CAMTA1: variants seen among roughly 807,000 people sequenced by gnomAD.
CAMTA1 encodes the protein calmodulin binding transcription activator 1.
In CAMTA1, 27 loss-of-function variants were observed where a neutral mutation model predicts 170.9. That is an observed-to-expected ratio of 0.16 (90% CI 0.12 to 0.22). CAMTA1 has a LOEUF of 0.22. Ranked by LOEUF, CAMTA1 falls within the 10% of genes least tolerant of loss-of-function variation. The pLI, the probability that CAMTA1 is intolerant of heterozygous loss-of-function variation, is 1.00. For synonymous variants in CAMTA1, 833 were observed against 891.5 expected, an observed-to-expected ratio of 0.93 and a Z score of 1.17; for missense variants, 1,619 against 2,217.2, an observed-to-expected ratio of 0.73 and a Z score of 5.42.
Position 7,732,417 on chromosome 1 carries a change from C to A in CAMTA1, c.2915-31C>A. The A allele has an allele frequency of 6.2e-7, 1 of 1,600,606 alleles. No individual in the cohort carries two copies. The highest frequency in any genetic ancestry group is 8.6e-7 in the Non-Finnish European group (1 of 1,168,202). On this transcript the variant is annotated intron_variant, in intron 11 of 22. Coordinates refer to ENST00000303635, the MANE Select transcript of CAMTA1 (RefSeq NM_015215.4). The surrounding 1 kb of genome is among the most constrained non-coding windows in gnomAD (Gnocchi z 4.1). ...TGTTGACTGCTTTTCTTCCAGAACA[C>A]AACCTCACTCTTCCTCCTGCTCTGC...
chr1:7,157,139 C>T (rs894661167), intron 4 of CAMTA1, among the ~76,000 whole-genome samples: 9 of 151,886 alleles, frequency 5.9e-5, no homozygotes, highest in African/African-American at 2.2e-4. Flanking sequence ...GTCAGGAGAT[C>T]GAGACCATCC....
At chr1:6,946,751 C>T (rs1279679135) in intron 3 of CAMTA1, among the ~76,000 whole-genome samples, 1 of 152,002 alleles carries the variant, frequency 6.6e-6, no homozygotes, top group Non-Finnish European at 1.5e-5. Flanking sequence ...ATATTTTGTC[C>T]TGTTCTATGG....
chr1:7,208,441 G>A (rs1658157286), intron 4 of CAMTA1, among the ~76,000 whole-genome samples: 1 of 152,192 alleles, frequency 6.6e-6, no homozygotes, highest in Non-Finnish European at 1.5e-5. Context: ...AGATGCTGTG[G>A]AATTTTTGCC....
intron 6 of CAMTA1, among the ~76,000 whole-genome samples, chr1:7,598,745 A>T (rs551285186): frequency 3.9e-5 from 6 of 152,116 alleles, no homozygotes; most frequent in African/African-American, 1.4e-4. Context: ...TTCTTTTGAG[A>T]AGTGTCTGTT....
At chr1:7,712,825 C>T (rs527755385) in intron 11 of CAMTA1, among the ~76,000 whole-genome samples, 2 of 112,028 alleles carry the variant, frequency 1.8e-5, no homozygotes, top group East Asian at 5.4e-4. Flanking sequence ...TGGCAGAAAG[C>T]GAAGGAGGAG....
At chr1:6,840,741 A>G (rs1284822498) in intron 3 of CAMTA1, among the ~76,000 whole-genome samples, 1 of 152,140 alleles carries the variant, frequency 6.6e-6, no homozygotes, top group Non-Finnish European at 1.5e-5. Flanking sequence ...ATAGATGGAG[A>G]AAGGGAGACT....
At chr1:7,269,728 A>G (rs935874732) in intron 5 of CAMTA1, among the ~76,000 whole-genome samples, 3 of 152,216 alleles carry the variant, frequency 2.0e-5, no homozygotes, top group Non-Finnish European at 4.4e-5. Flanking sequence ...TCAGAGAACT[A>G]GAGAGCAACA....
intron 3 of CAMTA1, among the ~76,000 whole-genome samples, chr1:6,948,489 C>T (rs1687924332): frequency 6.6e-6 from 1 of 152,138 alleles, no homozygotes; most frequent in Admixed American, 6.5e-5. Context: ...TCTTAGCAAC[C>T]CTGTCAGATA....
At chr1:6,900,457 C>T (rs553980557) in intron 3 of CAMTA1, among the ~76,000 whole-genome samples, 2 of 151,708 alleles carry the variant, frequency 1.3e-5, no homozygotes, top group South Asian at 4.2e-4. Context: ...TTGAAAAGCA[C>T]CTGTCTTTTG....
At chr1:7,122,042 A>G (rs1181986029) in intron 4 of CAMTA1, among the ~76,000 whole-genome samples, 1 of 151,920 alleles carries the variant, frequency 6.6e-6, no homozygotes, top group East Asian at 1.9e-4. Flanking sequence ...CGGCCTGCAG[A>G]GCAGGGATGG....
At chr1:7,431,084 CAT>C (rs1475862530) in intron 5 of CAMTA1, among the ~76,000 whole-genome samples, 1 of 152,200 alleles carries the variant, frequency 6.6e-6, no homozygotes, top group Admixed American at 6.5e-5. Context: ...CTGGGGAAAA[CAT>C]GTGGATCAAT....
intron 1 of CAMTA1, among the ~76,000 whole-genome samples, 191 bp from the exon 2 acceptor site, chr1:6,819,990 T>C (rs556258371): frequency 2.6e-5 from 4 of 152,368 alleles, no homozygotes; most frequent in Admixed American, 2.6e-4. Context: ...TCAGTCCTTT[T>C]AGACTTTCAT....
At chr1:7,188,451 C>T (rs1281982653) in intron 4 of CAMTA1, among the ~76,000 whole-genome samples, 2 of 152,104 alleles carry the variant, frequency 1.3e-5, no homozygotes, top group African/African-American at 4.8e-5. Context: ...AACTCTGTAC[C>T]CATTAAACAG....
intron 5 of CAMTA1, among the ~76,000 whole-genome samples, chr1:7,413,864 G>A (rs2090971283): frequency 6.6e-6 from 1 of 152,144 alleles, no homozygotes; most frequent in African/African-American, 2.4e-5. Context: ...TCCAGTTTTT[G>A]CCCATTCAGT....
chr1:7,548,523 G>T (rs1210562064), intron 6 of CAMTA1, among the ~76,000 whole-genome samples: 1 of 127,036 alleles, frequency 7.9e-6, no homozygotes, highest in Non-Finnish European at 1.7e-5. Context: ...GGTGGAGGGT[G>T]CCCCCTTAGG....
chr1:7,222,342 A>G (rs575288908), intron 4 of CAMTA1, among the ~76,000 whole-genome samples: 19 of 152,190 alleles, frequency 1.2e-4, no homozygotes, highest in African/African-American at 3.4e-4. Flanking sequence ...TTCTGTCTCA[A>G]TGCACCTGCG....
chr1:7,000,544 C>T (rs1698072099), intron 3 of CAMTA1, among the ~76,000 whole-genome samples: 1 of 152,192 alleles, frequency 6.6e-6, no homozygotes, highest in South Asian at 2.1e-4. Flanking sequence ...GCTGTCTCCC[C>T]ACAGCCTGTG....
At chr1:6,991,009 C>T (rs1334183385) in intron 3 of CAMTA1, among the ~76,000 whole-genome samples, 2 of 152,038 alleles carry the variant, frequency 1.3e-5, no homozygotes, top group African/African-American at 4.8e-5. Flanking sequence ...AGGCTTCCTT[C>T]ATTCAGCATG....
chr1:7,151,778 C>T (rs1429411183), intron 4 of CAMTA1, among the ~76,000 whole-genome samples: 4 of 152,210 alleles, frequency 2.6e-5, no homozygotes, highest in Non-Finnish European at 4.4e-5. Flanking sequence ...GCCTCCTTCC[C>T]AGGAAGTTTC....
Sources: gnomAD v4.1 joint callset for allele counts (sites outside exome capture counted in the v4.1 genomes callset) on GRCh38, gnomAD v4.1.1 for gene constraint, Gnocchi (gnomAD v3.1) non-coding constraint, MANE v1.5 for transcripts, NCBI Gene and HGNC (gene_info 2026-07-23, HGNC 2026-07-21) for gene names.